BRWD1: variants seen among roughly 807,000 people sequenced by gnomAD.
The protein encoded by BRWD1 is bromodomain and WD repeat domain containing 1.
Under a neutral mutation model 251.2 loss-of-function variants are expected in BRWD1, and 82 were observed. The observed-to-expected ratio is 0.33, with a 90% CI of 0.27 to 0.39. The LOEUF (loss-of-function observed/expected upper bound fraction) is 0.39. BRWD1 is among the 10% of genes least tolerant of loss of function. The probability of loss-of-function intolerance (pLI) is 1.00; values close to 1 mark genes in which losing one functional copy is unlikely to be tolerated. For synonymous variants in BRWD1, 918 were observed against 902.8 expected (o/e 1.02, Z -0.30); for missense variants, 2,233 against 2,711.6 (o/e 0.82, Z 3.92).
chr21:39,221,895 T>A (rs1220576184), intron 29 of BRWD1, among the ~76,000 whole-genome samples: 1 of 149,512 alleles, frequency 6.7e-6, no homozygotes, highest in Non-Finnish European at 1.5e-5. Flanking sequence ...AGAGGGAGAC[T>A]GTCTCAAAAA....
chr21:39,230,447 A>AT (rs1392961492), intron 25 of BRWD1, among the ~76,000 whole-genome samples: 1 of 152,240 alleles, frequency 6.6e-6, no homozygotes, highest in East Asian at 1.9e-4. Context: ...CTGAAATAAA[A>AT]TACTAAATCA....
chr21:39,214,778 A>G (rs910820500), intron 32 of BRWD1, among the ~76,000 whole-genome samples: 1 of 152,168 alleles, frequency 6.6e-6, no homozygotes, highest in Admixed American at 6.5e-5. Flanking sequence ...TCAGTTTCTC[A>G]GACTTTTACT....
chr21:39,194,445 T>C lies in BRWD1; in HGVS notation c.*1814A>G. On this transcript the variant is annotated 3_prime_UTR_variant, in exon 41 of 41. Transcript: ENST00000342449. ...TCTTTTCAGTCTTAGTCAAGGACAA[T>C]TATCATGAATCAATCTGTTTACTAT... is the stretch of plus-strand genomic sequence containing the variant. 1.5e-6 allele frequency: 2 copies of C among 1,309,002 alleles called. No individual in the cohort carries two copies. The highest frequency in any genetic ancestry group is 9.7e-7 in the Non-Finnish European group (1 of 1,030,200). 81.1% of individuals were successfully genotyped at this position (1,309,002 alleles called of 1,614,324 possible).
intron 26 of BRWD1, among the ~76,000 whole-genome samples, chr21:39,228,951 C>T (rs1282096835): frequency 6.6e-6 from 1 of 152,156 alleles, no homozygotes; most frequent in African/African-American, 2.4e-5. Flanking sequence ...GCAGTAGCCA[C>T]ATGTGACTAG....
upstream of BRWD1, chr21:39,313,664 T>TCCGCAGGGGGAGGAAGTAGTC (rs1175572158): frequency 4.6e-6 from 2 of 430,322 alleles, no homozygotes; most frequent in Non-Finnish European, 7.8e-6. Context: ...AGGAAGTAGT[T>TCCGCAGGGGGAGGAAGTAGTC]CCTCCGCGGG....
Position 39,197,322 on chromosome 21 carries a change from T to G in BRWD1, c.5747A>C (p.Lys1916Thr), listed in dbSNP as rs1030490427. The change falls in exon 41 of 41, where the codon AAA becomes ACA. Residue 1916 changes from lysine (K) to threonine (T), a missense_variant. By Grantham distance (78) the Lys-to-Thr change is moderately conservative (BLOSUM62 -1). This residue lies in a region of BRWD1 where 928 missense variants were observed against 970.0 expected (regional missense o/e 0.96). Coordinates refer to ENST00000342449, the MANE Select transcript of BRWD1 (RefSeq NM_033656.4). ...DSDSSLQVVK[K>T]SSKARTGLLR... ...GAGACCTGTTCTGGCTTTTGATGAT[T>G]TCTTAACCACCTGTAAACTACTGTC... 5 of 1,613,976 alleles carry G rather than the reference T, an allele frequency of 3.1e-6. No homozygotes were observed. Among genetic ancestry groups the G allele is most frequent in the Non-Finnish European group, 4.2e-6 (5 of 1,179,954 alleles).
At chr21:39,303,744 G>GC (rs2036195505) in intron 4 of BRWD1, among the ~76,000 whole-genome samples, 1 of 151,444 alleles carries the variant, frequency 6.6e-6, no homozygotes. Context: ...GACGGCTTGA[G>GC]CCCAGGAGGC....
chr21:39,303,822 CAA>C (rs535962983), intron 4 of BRWD1, among the ~76,000 whole-genome samples: 3 of 137,506 alleles, frequency 2.2e-5, no homozygotes, highest in African/African-American at 5.4e-5. Context: ...GACCCTGTCT[CAA>C]AAAAAAAAAG....
Position 39,295,772 on chromosome 21 carries a change from A to G in BRWD1, c.580T>C (p.Phe194Leu). The change falls in exon 7 of 41, where the codon TTT (phenylalanine) becomes CTT (leucine). Residue 194 changes from phenylalanine (F) to leucine (L), a missense_variant. Physicochemically the swap from Phe to Leu is conservative, Grantham distance 22. This residue lies in a region of BRWD1 where 185 missense variants were observed against 260.6 expected (regional missense o/e 0.71). Transcript: ENST00000342449. The stretch of plus-strand genomic sequence containing the variant: ...AAGATTCTATGTCCTGTCCTATCAA[A>G]TGCTACACAGTAAACAGCAGATAGA... ...GHLSAVYCVA[F>L]DRTGHRIFTG... 6.2e-7 allele frequency: 1 copy of G among 1,606,398 alleles called. No homozygotes were observed. The highest frequency in any genetic ancestry group is 1.3e-5 in the African/African-American group (1 of 74,818).
chr21:39,224,575 C>A, intron 28 of BRWD1, 106 bp from the exon 29 acceptor site: 1 of 681,656 alleles, frequency 1.5e-6, no homozygotes, highest in Admixed American at 2.6e-5. Context: ...CTCACTGCAG[C>A]AGTACAATTT....
In BRWD1 at chr21:39,278,154, C is replaced by G. The variant is rs545295007; in HGVS notation, c.1003+589G>C. Among the ~76,000 whole-genome samples, 4 of 152,182 alleles carry G rather than the reference C, an allele frequency of 2.6e-5. No homozygotes were observed. The South Asian group carries it at 8.3e-4, about 32-fold the overall frequency. ...ATTGAGTCACTGTGCCTGGCCTCCCCATCTGTATTATTAAGGGTGGCAATA... is the reference window on the plus strand; with the variant it reads ...ATTGAGTCACTGTGCCTGGCCTCCCGATCTGTATTATTAAGGGTGGCAATA... On this transcript the variant is annotated intron_variant, in intron 10 of 40. Transcript: ENST00000342449.
chr21:39,232,416 G>A lies in BRWD1; in HGVS notation c.2849C>T (p.Thr950Ile). 6.3e-7 allele frequency: 1 copy of A among 1,594,090 alleles called. No individual in the cohort carries two copies. The highest frequency in any genetic ancestry group is 2.2e-5 in the East Asian group (1 of 44,788). The change falls in exon 24 of 41, where the codon ACC becomes ATC. Residue 950 changes from threonine to isoleucine, a missense_variant. Transcript: ENST00000342449. ...EFHPPVWITD[T>I]TLRKSPFVPQ... ...AACAAAAGGAGATTTTCTAAGTGTG[G>A]TGTCAGTAATCCAAACTGGAGGGTG...
At chr21:39,309,492 T>C (rs1164907512) in intron 4 of BRWD1, among the ~76,000 whole-genome samples, 4 of 151,990 alleles carry the variant, frequency 2.6e-5, no homozygotes, top group Admixed American at 2.0e-4. Context: ...AATGCATGTA[T>C]GGACCTTTCT....
intron 25 of BRWD1, among the ~76,000 whole-genome samples, chr21:39,231,829 T>G (rs1446946225): frequency 6.6e-6 from 1 of 152,202 alleles, no homozygotes; most frequent in Non-Finnish European, 1.5e-5. Context: ...AAACCCTTCT[T>G]CCAGTTTTTA....
intron 26 of BRWD1, among the ~76,000 whole-genome samples, chr21:39,228,981 C>A (rs1428591879): frequency 6.6e-6 from 1 of 152,144 alleles, no homozygotes; most frequent in East Asian, 1.9e-4. Context: ...TATTAGACAG[C>A]ACAGGTGTAG....
chr21:39,206,175 G>T lies in BRWD1; in HGVS notation c.4297C>A (p.Arg1433=), dbSNP rs752494269. Residue 1433 remains arginine (R), a synonymous_variant, in exon 37 of 41, where the codon CGA becomes AGA. Transcript: ENST00000342449. ...CGTTGCTTGAACCTCTGGCTTCTTC[G>T]AAGTTTTTCATTGAATTTTTGACCA... ...KIGQKFNEKL[R]RSQRFKQRQN... is the part of the protein sequence containing the mutation. 12 of 1,613,536 alleles carry T rather than the reference G, an allele frequency of 7.4e-6. No individual in the cohort carries two copies. The South Asian group carries it at 9.9e-5, about 13-fold the overall frequency.
chr21:39,249,647 C>T (rs1218964290), intron 20 of BRWD1, among the ~76,000 whole-genome samples: 1 of 152,082 alleles, frequency 6.6e-6, no homozygotes, highest in Non-Finnish European at 1.5e-5. Context: ...GTCTAATGAG[C>T]ACTGGTCAGT....
In BRWD1 at chr21:39,190,552, C is replaced by T. The variant is rs2031498449; in HGVS notation, c.*5707G>A. 1 of 985,346 alleles carries T rather than the reference C, an allele frequency of 1.0e-6. No individual in the cohort carries two copies. Among genetic ancestry groups the T allele is most frequent in the African/African-American group, 1.7e-5 (1 of 57,324 alleles). 61.0% of individuals were successfully genotyped at this position (985,346 alleles called of 1,614,324 possible). Reference sequence around the variant, plus strand: ...AAGTTATAAGCTCCCTCAAGCAAGCCTTTTATCAGAAAAGACTTGAGATAT... The same window carrying T: ...AAGTTATAAGCTCCCTCAAGCAAGCTTTTTATCAGAAAAGACTTGAGATAT... On this transcript the variant is annotated 3_prime_UTR_variant, in exon 41 of 41. Coordinates refer to ENST00000342449, the MANE Select transcript of BRWD1 (RefSeq NM_033656.4).
At position 39,288,363 on chromosome 21, in the gene BRWD1, T is replaced by A. The variant is rs2035705690; in HGVS notation, c.831+5448A>T. Among the ~76,000 whole-genome samples the A allele has an allele frequency of 2.0e-5, 3 of 152,256 alleles. 1 individual carries two copies. Among genetic ancestry groups the A allele is most frequent in the Non-Finnish European group, 4.4e-5 (3 of 68,040 alleles). On this transcript the variant is annotated intron_variant, in intron 8 of 40. Coordinates refer to ENST00000342449, the MANE Select transcript of BRWD1 (RefSeq NM_033656.4). ...ATTCAGCAAGGAGACTACAGTGGCCTAAGTGCCAGAAGGCAAGAATCACTG... is the reference window on the plus strand; with the variant it reads ...ATTCAGCAAGGAGACTACAGTGGCCAAAGTGCCAGAAGGCAAGAATCACTG...
Sources: allele counts gnomAD v4.1 joint callset (sites outside exome capture counted in the v4.1 genomes callset), GRCh38; gene constraint gnomAD v4.1.1; regional missense constraint gnomAD v4.1.1; transcripts MANE v1.5; gene names NCBI Gene and HGNC (gene_info 2026-07-23, HGNC 2026-07-21).